The following PCDHGB5 variants were observed in gnomAD, a reference collection of about 807,000 sequenced individuals.
PCDHGB5 encodes protocadherin gamma-B5.
In PCDHGB5, 48 loss-of-function variants were observed where a neutral mutation model predicts 62.9. That is an observed-to-expected ratio of 0.76 (90% CI 0.61 to 0.97). The LOEUF (loss-of-function observed/expected upper bound fraction) is 0.97, where lower values mean the gene tolerates loss of function less well. PCDHGB5 is among the 50% of genes least tolerant of loss of function. The pLI, the probability that PCDHGB5 is intolerant of heterozygous loss-of-function variation, is 0.00. For missense variants in PCDHGB5, 1,118 were observed against 1,198.6 expected (o/e 0.93, Z 0.99); for synonymous variants, 474 against 511.2 (o/e 0.93, Z 0.98).
rs2095356668 is a variant in PCDHGB5, at chr5:141,410,094, C to T, written c.2397+9570C>T. Reference sequence around the variant, plus strand: ...ACTGGGGAGGTGCGCACGGCTCGAGCCTTAGGCGACAGGGACGCAGCCCGC... The same window carrying T: ...ACTGGGGAGGTGCGCACGGCTCGAGTCTTAGGCGACAGGGACGCAGCCCGC... On this transcript the variant is annotated intron_variant, in intron 1 of 3. Coordinates refer to ENST00000617380, the MANE Select transcript of PCDHGB5 (RefSeq NM_018925.3). 6.2e-7 allele frequency: 1 copy of T among 1,612,528 alleles called. No homozygotes were observed. Among genetic ancestry groups the T allele is most frequent in the Non-Finnish European group, 8.5e-7 (1 of 1,179,670 alleles).
rs1196201183 is a variant in PCDHGB5, at chr5:141,490,944, G to A, written c.2398-3863G>A. ...ATGCCCCAGCTGTGCTGCACCCACG[G>A]CCAGACTGGGAACACTCAGCCCCCC... On this transcript the variant is annotated intron_variant, in intron 1 of 3. Transcript: ENST00000617380. This position sits in a 1 kb window ranked among gnomAD's most constrained non-coding sequence, Gnocchi z 5.4. 6.2e-7 allele frequency: 1 copy of A among 1,613,488 alleles called. No individual in the cohort carries two copies. The highest frequency in any genetic ancestry group is 1.3e-5 in the African/African-American group (1 of 74,906).
rs777761385 is a variant in PCDHGB5 at position 141,489,558 on chromosome 5, G to T, written c.2398-5249G>T. 1.1e-5 allele frequency: 17 copies of T among 1,614,130 alleles called. No homozygotes were observed. In the South Asian group the frequency reaches 1.8e-4, roughly 17 times the overall value. On this transcript the variant is annotated intron_variant, in intron 1 of 3. Coordinates refer to ENST00000617380, the MANE Select transcript of PCDHGB5 (RefSeq NM_018925.3). The surrounding 1 kb of genome is among the most constrained non-coding windows in gnomAD (Gnocchi z 4.5). Reference sequence around the variant, plus strand: ...CCAGCACCAGCTGCCTGCTGCCAGTGCAGGTGGTGACTGAACACCCCCTGG... The same window carrying T: ...CCAGCACCAGCTGCCTGCTGCCAGTTCAGGTGGTGACTGAACACCCCCTGG...
intron 1 of PCDHGB5, among the ~76,000 whole-genome samples, chr5:141,494,463 C>G (rs1178793763): frequency 6.6e-6 from 1 of 152,154 alleles, no homozygotes; most frequent in Non-Finnish European, 1.5e-5. Context: ...TTGTCTGCAC[C>G]TCTTCCCCCA....
Position 141,485,063 on chromosome 5 carries a change from A to C in PCDHGB5, c.2398-9744A>C. On this transcript the variant is annotated intron_variant, in intron 1 of 3. Transcript: ENST00000617380. This position sits in a 1 kb window ranked among gnomAD's most constrained non-coding sequence, Gnocchi z 5.7. ...CTTGCGGCGCCGGCCGAACCGCGCC[A>C]GAGCTGGCGCGGGGAAAGGGAGATA... is the stretch of plus-strand genomic sequence containing the variant. 2 of 874,986 alleles carry C rather than the reference A, an allele frequency of 2.3e-6. No individual in the cohort carries two copies. Among genetic ancestry groups the C allele is most frequent in the Non-Finnish European group, 3.6e-6 (2 of 551,278 alleles). 54.2% of individuals were successfully genotyped at this position (874,986 alleles called of 1,614,324 possible).
intron 1 of PCDHGB5, chr5:141,418,595 G>GT (rs2096273873): frequency 6.2e-7 from 1 of 1,613,928 alleles, no homozygotes; most frequent in African/African-American, 1.3e-5. Context: ...CAGCCAGGAC[G>GT]TGTACAGGGT....
At chr5:141,415,071 G>A (rs757356726) in intron 1 of PCDHGB5, 21 of 1,613,422 alleles carry the variant, frequency 1.3e-5, no homozygotes, top group East Asian at 2.2e-5. Flanking sequence ...AGGTGCGCAC[G>A]GCGCGAGCCC....
intron 1 of PCDHGB5, among the ~76,000 whole-genome samples, chr5:141,481,655 T>A (rs933683728): frequency 1.3e-5 from 2 of 152,054 alleles, no homozygotes; most frequent in African/African-American, 4.8e-5. Flanking sequence ...TCATCTCTAC[T>A]AATAATACAA....
At chr5:141,443,475 G>T (rs994058112) in intron 1 of PCDHGB5, among the ~76,000 whole-genome samples, 1 of 152,148 alleles carries the variant, frequency 6.6e-6, no homozygotes, top group African/African-American at 2.4e-5. Flanking sequence ...GACAGAATTA[G>T]ACCCTGTCCC....
At chr5:141,501,606 G>A (rs2099810134) in intron 2 of PCDHGB5, among the ~76,000 whole-genome samples, 1 of 152,012 alleles carries the variant, frequency 6.6e-6, no homozygotes, top group African/African-American at 2.4e-5. Flanking sequence ...AGTTCCAGCT[G>A]TGTGACTCTG....
At position 141,486,881 on chromosome 5, in the gene PCDHGB5, G is replaced by T. The variant is rs114512641; in HGVS notation, c.2398-7926G>T. The T allele has an allele frequency of 1.3e-5, 21 of 1,614,090 alleles. No homozygotes were observed. The East Asian group carries it at 4.7e-4, about 36-fold the overall frequency. ...TGCTCCAGCTGTGCTCCGTCCTCGG[G>T]CCCGGCCTGGTTCCTTATGTCCCCA... is the stretch of plus-strand genomic sequence containing the variant. On this transcript the variant is annotated intron_variant, in intron 1 of 3. Coordinates refer to ENST00000617380, the MANE Select transcript of PCDHGB5 (RefSeq NM_018925.3). This position sits in a 1 kb window ranked among gnomAD's most constrained non-coding sequence, Gnocchi z 5.0.
chr5:141,415,747 T>TTTTG, intron 1 of PCDHGB5: 2 of 797,626 alleles, frequency 2.5e-6, no homozygotes, highest in Non-Finnish European at 3.1e-6. Flanking sequence ...AAGGTTTTTT[T>TTTTG]TTTTTTTTTT....
chr5:141,484,024 A>G (rs769415978), intron 1 of PCDHGB5, among the ~76,000 whole-genome samples: 14 of 150,914 alleles, frequency 9.3e-5, no homozygotes, highest in Non-Finnish European at 1.6e-4. Flanking sequence ...GTGGGGTGAG[A>G]TCAAGTCTCC....
intron 1 of PCDHGB5, among the ~76,000 whole-genome samples, chr5:141,444,203 C>A (rs2098425806): frequency 1.3e-5 from 1 of 79,180 alleles, no homozygotes; most frequent in Admixed American, 2.0e-4. Context: ...TGGAGTTTCA[C>A]TCTTGTTGCC....
chr5:141,427,664 C>T (rs760682962), intron 1 of PCDHGB5: 11 of 775,778 alleles, frequency 1.4e-5, no homozygotes, highest in East Asian at 1.0e-4. Context: ...TCCACGTGGC[C>T]GAAAACAACC....
chr5:141,458,698 T>C (rs1258294275), intron 1 of PCDHGB5, among the ~76,000 whole-genome samples: 1 of 152,054 alleles, frequency 6.6e-6, no homozygotes, highest in East Asian at 1.9e-4. Context: ...GCCTCCCGAG[T>C]AGCTGGGATT....
In PCDHGB5 at chr5:141,490,378, G is replaced by A; in HGVS notation, c.2398-4429G>A. On this transcript the variant is annotated intron_variant, in intron 1 of 3. Transcript: ENST00000617380. The surrounding 1 kb of genome is among the most constrained non-coding windows in gnomAD (Gnocchi z 5.4). The stretch of plus-strand genomic sequence containing the variant: ...GTTTAATGTGCGAGACCGGGACTCA[G>A]GTAGAAATGGTGAAGTGAGCCTTGA... 1 of 1,614,214 alleles carries A rather than the reference G, an allele frequency of 6.2e-7. No homozygotes were observed. The highest frequency in any genetic ancestry group is 1.1e-5 in the South Asian group (1 of 91,086).
At chr5:141,500,295 G>A (rs911106966) in intron 2 of PCDHGB5, among the ~76,000 whole-genome samples, 2 of 151,282 alleles carry the variant, frequency 1.3e-5, no homozygotes, top group African/African-American at 4.9e-5. Flanking sequence ...TGCAAGCTCC[G>A]CCTCCCAGGT....
intron 3 of PCDHGB5, among the ~76,000 whole-genome samples, chr5:141,510,369 C>G (rs1403924479): frequency 7.1e-6 from 1 of 140,308 alleles, no homozygotes; most frequent in Non-Finnish European, 1.6e-5. Context: ...TACCGAATCT[C>G]TACTCGTGCC....
At position 141,487,179 on chromosome 5, in the gene PCDHGB5, C is replaced by T. The variant is rs768886732; in HGVS notation, c.2398-7628C>T. Reference sequence around the variant, plus strand: ...CTCTTAGTGTCCTTAGAGGAAGACACTCATCCAGTTGTCCCAGATCTTCGA... The same window carrying T: ...CTCTTAGTGTCCTTAGAGGAAGACATTCATCCAGTTGTCCCAGATCTTCGA... On this transcript the variant is annotated intron_variant, in intron 1 of 3. Transcript: ENST00000617380. This position sits in a 1 kb window ranked among gnomAD's most constrained non-coding sequence, Gnocchi z 5.0. 6.2e-6 allele frequency: 10 copies of T among 1,613,474 alleles called. No individual in the cohort carries two copies. Among genetic ancestry groups the T allele is most frequent in the Non-Finnish European group, 6.8e-6 (8 of 1,179,370 alleles).
Sources: allele counts gnomAD v4.1 joint callset (sites outside exome capture counted in the v4.1 genomes callset), GRCh38; gene constraint gnomAD v4.1.1; non-coding constraint Gnocchi (gnomAD v3.1); transcripts MANE v1.5; gene names NCBI Gene and HGNC (gene_info 2026-07-23, HGNC 2026-07-21).